TMEM74: variants seen among roughly 807,000 people sequenced by gnomAD.
TMEM74 encodes the protein transmembrane protein 74.
In TMEM74, 13 loss-of-function variants were observed where a neutral mutation model predicts 18.1. The ratio of observed to expected loss-of-function variants is 0.72; its 90% CI spans 0.47 to 1.14. The LOEUF is 1.14. Ranked by LOEUF, TMEM74 falls within the 50% of genes most tolerant of loss-of-function variation. TMEM74 has a pLI of 0.00. For missense variants in TMEM74, 372 were observed against 375.9 expected (o/e 0.99, Z 0.09); for synonymous variants, 159 against 146.6 (o/e 1.08, Z -0.61).
intron 1 of TMEM74, among the ~76,000 whole-genome samples, chr8:108,718,902 A>C (rs1003061786): frequency 6.6e-6 from 1 of 152,030 alleles, no homozygotes; most frequent in Non-Finnish European, 1.5e-5. Flanking sequence ...ATAAAGAGAT[A>C]ATGAATGAAA....
intron 1 of TMEM74, among the ~76,000 whole-genome samples, chr8:108,731,857 A>G (rs1423867578): frequency 6.7e-6 from 1 of 150,260 alleles, no homozygotes; most frequent in Non-Finnish European, 1.5e-5. Context: ...TTTTCACAAA[A>G]GGATCTATAG....
intron 1 of TMEM74, among the ~76,000 whole-genome samples, chr8:108,679,176 T>C (rs1334240331): frequency 1.3e-5 from 2 of 152,168 alleles, no homozygotes; most frequent in Non-Finnish European, 2.9e-5. Flanking sequence ...GTTCCAAGTC[T>C]TTGCTATTGT....
intron 1 of TMEM74, among the ~76,000 whole-genome samples, chr8:108,684,189 A>C (rs1320013168): frequency 6.6e-6 from 1 of 152,104 alleles, no homozygotes; most frequent in African/African-American, 2.4e-5. Context: ...ACTGGTCCTT[A>C]TAGTGGCTGC....
chr8:108,649,350 C>T (rs998547997), intron 2 of TMEM74, among the ~76,000 whole-genome samples: 2 of 151,880 alleles, frequency 1.3e-5, no homozygotes, highest in African/African-American at 4.8e-5. Context: ...TAAATGCCAG[C>T]AGAATTGAAA....
In TMEM74 at chr8:108,784,419, T is replaced by G. The variant is rs991697781; in HGVS notation, c.680A>C (p.His227Pro). The change falls in exon 2 of 2, where the codon CAC (histidine) becomes CCC (proline). Residue 227 changes from histidine to proline, a missense_variant. Coordinates refer to ENST00000297459, the MANE Select transcript of TMEM74 (RefSeq NM_153015.3). ...CCCCGCAATCACACAGCGGTCCAGG[T>G]GAGCCCCCAGCCTCGCACTCTCCTT... The part of the protein sequence containing the change: ...LEKESARLGA[H>P]LDRCVIAGLC... 1.2e-5 allele frequency: 20 copies of G among 1,614,114 alleles called. No homozygotes were observed. The highest frequency in any genetic ancestry group is 1.7e-5 in the Non-Finnish European group (20 of 1,180,022).
At chr8:108,726,921 A>G (rs569137171) in intron 1 of TMEM74, among the ~76,000 whole-genome samples, 5 of 152,354 alleles carry the variant, frequency 3.3e-5, no homozygotes, top group South Asian at 2.1e-4. Flanking sequence ...GTTTCATTCA[A>G]TATTACAGAG....
intron 1 of TMEM74, among the ~76,000 whole-genome samples, chr8:108,712,835 T>C (rs1246175149): frequency 1.3e-5 from 2 of 152,164 alleles, no homozygotes; most frequent in Admixed American, 1.3e-4. Context: ...CCTTAGAATG[T>C]AACAGAAAAG....
intron 2 of TMEM74, among the ~76,000 whole-genome samples, chr8:108,610,639 A>G (rs1296744560): frequency 6.6e-6 from 1 of 152,230 alleles, no homozygotes; most frequent in African/African-American, 2.4e-5. Context: ...GGAATGCCTT[A>G]GAAAAAAAGT....
chr8:108,760,910 A>G lies in TMEM74; in HGVS notation n.119+26566T>C, dbSNP rs753982705. ...TCATTGCTGGCTGACTCTGTCAGTT[A>G]AAAGGGCCTCCTCTAATTGCAGTGT... On this transcript the variant is annotated intron_variant and non_coding_transcript_variant, in intron 1 of 3. Transcript: ENST00000518838. Among the ~76,000 whole-genome samples the G allele has an allele frequency of 4.4e-4, 67 of 151,956 alleles. 1 individual carries two copies. The highest frequency in any genetic ancestry group is 2.6e-4 in the Non-Finnish European group (18 of 67,982).
chr8:108,750,426 G>A (rs752173668), intron 1 of TMEM74, among the ~76,000 whole-genome samples: 6 of 152,140 alleles, frequency 3.9e-5, no homozygotes, highest in Non-Finnish European at 4.4e-5. Context: ...CTTTGTTCCA[G>A]GTAGTTAGGC....
intron 1 of TMEM74, among the ~76,000 whole-genome samples, chr8:108,665,537 C>T (rs1450346061): frequency 6.6e-6 from 1 of 152,078 alleles, no homozygotes; most frequent in Non-Finnish European, 1.5e-5. Flanking sequence ...AGAACTCAGA[C>T]ACTAAATATG....
At chr8:108,736,598 G>C (rs60518395) in intron 1 of TMEM74, among the ~76,000 whole-genome samples, 29 of 152,098 alleles carry the variant, frequency 1.9e-4, no homozygotes, top group African/African-American at 6.3e-4. Context: ...GCAAGTTGAT[G>C]AGCAGAATTA....
At chr8:108,611,788 A>G (rs1409621328) in intron 2 of TMEM74, among the ~76,000 whole-genome samples, 2 of 152,076 alleles carry the variant, frequency 1.3e-5, no homozygotes, top group Non-Finnish European at 2.9e-5. Flanking sequence ...ATACTTGTTC[A>G]TGACTTATAT....
chr8:108,766,755 C>G (rs981955765), intron 1 of TMEM74, among the ~76,000 whole-genome samples: 1 of 152,152 alleles, frequency 6.6e-6, no homozygotes. Flanking sequence ...GTGATCAGTC[C>G]GAGTCCCAAA....
intron 1 of TMEM74, among the ~76,000 whole-genome samples, chr8:108,684,723 A>G (rs1238125592): frequency 1.3e-5 from 2 of 148,426 alleles, no homozygotes. Flanking sequence ...TGGGTCTTAT[A>G]TTGTATCTTT....
At position 108,670,034 on chromosome 8, in the gene TMEM74, T is replaced by TAAAA. The variant is rs1563745188; in HGVS notation, n.120-14598_120-14597insTTTT. 5.3e-5 allele frequency among the ~76,000 whole-genome samples: 6 copies of TAAAA among 113,940 alleles called. 1 individual carries two copies. The highest frequency in any genetic ancestry group is 1.0e-4 in the African/African-American group (3 of 29,224). The allele number at this position is 113,940 out of a possible 152,430, so 74.7% of individuals were successfully genotyped here. ...GCCTGGATGACAGAGTAAGATTCTG[T>TAAAA]GAAAAAAAAAAAAAAAAAAAAAAGG... On this transcript the variant is annotated intron_variant and non_coding_transcript_variant, in intron 1 of 3. Transcript: ENST00000518838.
intron 1 of TMEM74, among the ~76,000 whole-genome samples, chr8:108,678,843 C>T (rs1813083034): frequency 6.6e-6 from 1 of 150,794 alleles, no homozygotes; most frequent in Non-Finnish European, 1.5e-5. Flanking sequence ...GTGTGCTGCA[C>T]CCATTAACTC....
chr8:108,697,737 G>C (rs1813295027), intron 1 of TMEM74, among the ~76,000 whole-genome samples: 1 of 152,074 alleles, frequency 6.6e-6, no homozygotes, highest in Non-Finnish European at 1.5e-5. Flanking sequence ...AATTTGGCTG[G>C]GTATGGCTCA....
chr8:108,753,722 T>A (rs1813927073), intron 1 of TMEM74, among the ~76,000 whole-genome samples: 1 of 152,096 alleles, frequency 6.6e-6, no homozygotes. Flanking sequence ...AGCACTTCCA[T>A]ATTCAGACAT....
Sources: gnomAD v4.1 joint callset for allele counts (sites outside exome capture counted in the v4.1 genomes callset) on GRCh38, gnomAD v4.1.1 for gene constraint, MANE v1.5 for transcripts, NCBI Gene and HGNC (gene_info 2026-07-23, HGNC 2026-07-21) for gene names.